Variants in CHN1 observed in about 807,000 individuals in gnomAD.
CHN1 encodes the protein N-chimaerin.
In CHN1, 37 loss-of-function variants were observed where a neutral mutation model predicts 59.5. That is an observed-to-expected ratio of 0.62 (90% CI 0.48 to 0.82). The LOEUF (loss-of-function observed/expected upper bound fraction) is 0.82. Among genes scored for constraint, CHN1 ranks in the 40% least tolerant of loss-of-function variants. The probability of loss-of-function intolerance (pLI) is 0.00; values close to 1 mark genes in which losing one functional copy is unlikely to be tolerated. For synonymous variants in CHN1, 206 were observed against 200.4 expected (o/e 1.03, Z -0.24); for missense variants, 469 against 571.0 (o/e 0.82, Z 1.82).
chr2:174,856,603 T>G (rs1441998223), intron 6 of CHN1, among the ~76,000 whole-genome samples: 1 of 152,162 alleles, frequency 6.6e-6, no homozygotes, highest in African/African-American at 2.4e-5. Context: ...AAGGGAGCTT[T>G]TTCACACTAC....
chr2:174,945,925 G>GTATATA (rs1437195574), intron 2 of CHN1, among the ~76,000 whole-genome samples: 147 of 150,540 alleles, frequency 9.8e-4, no homozygotes, highest in African/African-American at 3.3e-3. Context: ...GTGTGTGTGT[G>GTATATA]TGTGTGTATA....
At chr2:174,928,495 A>G (rs994460510) in intron 3 of CHN1, among the ~76,000 whole-genome samples, 1 of 152,236 alleles carries the variant, frequency 6.6e-6, no homozygotes, top group African/African-American at 2.4e-5. Flanking sequence ...GATCAGGCAG[A>G]TGATATAACC....
At chr2:174,900,885 A>C in intron 5 of CHN1, among the ~76,000 whole-genome samples, 1 of 152,314 alleles carries the variant, frequency 6.6e-6, no homozygotes, top group Middle Eastern at 3.4e-3. Flanking sequence ...AATTTTATAA[A>C]ATAAAATTTT....
At chr2:174,927,673 AG>A (rs1689217443) in intron 3 of CHN1, among the ~76,000 whole-genome samples, 1 of 152,232 alleles carries the variant, frequency 6.6e-6, no homozygotes, top group Non-Finnish European at 1.5e-5. Context: ...AAAATTCTGC[AG>A]GTAATGCCAC....
chr2:174,909,594 G>C (rs1688631196), intron 5 of CHN1, among the ~76,000 whole-genome samples: 1 of 152,198 alleles, frequency 6.6e-6, no homozygotes, highest in African/African-American at 2.4e-5. Flanking sequence ...GCCATCTTTT[G>C]ACACAAGGAA....
chr2:174,846,943 A>G lies in CHN1; in HGVS notation c.564T>C (p.Val188=), dbSNP rs1686538442. 1 of 1,553,980 alleles carries G rather than the reference A, an allele frequency of 6.4e-7. No homozygotes were observed. Among genetic ancestry groups the G allele is most frequent in the Non-Finnish European group, 8.7e-7 (1 of 1,147,904 alleles). ...CGTTTTCTTTCAGAGTTGCTCTTCT[A>G]ACAAGTGATGTCAACTGCGAATAAG... is the stretch of plus-strand genomic sequence containing the variant. The part of the protein sequence containing the change: ...GVSEKRLTSL[V]RRATLKENEQ... The change falls in exon 7 of 13, where the codon GTT becomes GTC. Residue 188 remains valine (V), a synonymous_variant. Transcript: ENST00000409900.
In CHN1 at chr2:174,946,245, C is replaced by T. The variant is rs149637985; in HGVS notation, c.59-1302G>A. ...AATAGTCCCTAGCACACAGTAAATG[C>T]TCAATGAAGACTACTTATTATTATA... On this transcript the variant is annotated intron_variant, in intron 2 of 12. Coordinates refer to ENST00000409900, the MANE Select transcript of CHN1 (RefSeq NM_001822.7). 1.3e-4 allele frequency among the ~76,000 whole-genome samples: 20 copies of T among 152,162 alleles called. No homozygotes were observed. In the East Asian group the frequency reaches 3.9e-3, roughly 29 times the overall value.
chr2:174,920,994 T>C (rs971076184), intron 3 of CHN1: 9 of 429,096 alleles, frequency 2.1e-5, no homozygotes, highest in African/African-American at 1.8e-4. Context: ...CCCTCGCATG[T>C]GCAGTTCACA....
chr2:174,846,237 A>AT, intron 7 of CHN1: 10 of 1,496,934 alleles, frequency 6.7e-6, no homozygotes, highest in Non-Finnish European at 8.9e-6. Flanking sequence ...ATCAACACAC[A>AT]TATCACCTTG....
intron 7 of CHN1, among the ~76,000 whole-genome samples, chr2:174,843,699 GAA>G (rs201535934): frequency 3.1e-5 from 4 of 130,328 alleles, no homozygotes; most frequent in African/African-American, 1.1e-4. Flanking sequence ...TATAGATTCA[GAA>G]AAAAAAAAAA....
chr2:174,801,205 T>C (rs891438161), intron 12 of CHN1, among the ~76,000 whole-genome samples: 3 of 152,224 alleles, frequency 2.0e-5, no homozygotes, highest in Non-Finnish European at 4.4e-5. Context: ...TTCCTCCCTT[T>C]ATCCCTTACT....
intron 5 of CHN1, among the ~76,000 whole-genome samples, chr2:174,879,342 T>C (rs1340127354): frequency 6.6e-6 from 1 of 152,252 alleles, no homozygotes; most frequent in Non-Finnish European, 1.5e-5. Context: ...TGTCTGTTTC[T>C]GTAGTTCAAA....
chr2:174,948,761 T>C (rs1689925238), intron 2 of CHN1, among the ~76,000 whole-genome samples: 1 of 152,182 alleles, frequency 6.6e-6, no homozygotes, highest in African/African-American at 2.4e-5. Flanking sequence ...CTTGAATAGC[T>C]TTCAATGGGT....
chr2:174,993,119 C>T (rs1691600225), intron 1 of CHN1, among the ~76,000 whole-genome samples: 1 of 151,902 alleles, frequency 6.6e-6, no homozygotes, highest in African/African-American at 2.4e-5. Context: ...TGGAATTCCT[C>T]AACCCCCTAC....
intron 2 of CHN1, 122 bp downstream of exon 2, chr2:174,952,042 C>T (rs909490077): frequency 1.7e-6 from 1 of 598,222 alleles, no homozygotes; most frequent in East Asian, 3.5e-5. Context: ...TACTCCCAAA[C>T]CTTGTTTAAA....
intron 6 of CHN1, among the ~76,000 whole-genome samples, chr2:174,862,848 CTTTG>C (rs1662464869): frequency 6.6e-6 from 1 of 152,078 alleles, no homozygotes; most frequent in South Asian, 2.1e-4. Context: ...GAAAAGTATT[CTTTG>C]TTTTAGTAGT....
intron 7 of CHN1, among the ~76,000 whole-genome samples, chr2:174,831,058 T>C (rs1685863748): frequency 6.6e-6 from 1 of 152,190 alleles, no homozygotes; most frequent in Admixed American, 6.5e-5. Flanking sequence ...TGGTAAAATA[T>C]GATCATACTA....
intron 6 of CHN1, among the ~76,000 whole-genome samples, chr2:174,872,542 G>A (rs1334521243): frequency 6.6e-6 from 1 of 152,062 alleles, no homozygotes; most frequent in Non-Finnish European, 1.5e-5. Flanking sequence ...AAATACCACA[G>A]GAAAATAATA....
At chr2:174,962,620 G>T (rs1420725157) in intron 1 of CHN1, among the ~76,000 whole-genome samples, 2 of 141,662 alleles carry the variant, frequency 1.4e-5, no homozygotes, top group Non-Finnish European at 3.1e-5. Flanking sequence ...GGTATGGCTG[G>T]GCACGGTGGC....
Sources: allele counts gnomAD v4.1 joint callset (sites outside exome capture counted in the v4.1 genomes callset), GRCh38; gene constraint gnomAD v4.1.1; transcripts MANE v1.5; gene names NCBI Gene and HGNC (gene_info 2026-07-23, HGNC 2026-07-21).